Variants in CFAP70 observed in about 807,000 individuals in gnomAD.
CFAP70 encodes the protein cilia- and flagella-associated protein 70.
In CFAP70, 81 loss-of-function variants were observed where a neutral mutation model predicts 137.6. The ratio of observed to expected loss-of-function variants is 0.59; its 90% CI spans 0.49 to 0.71. The LOEUF is 0.71. Among genes scored for constraint, CFAP70 ranks in the 30% least tolerant of loss-of-function variants. The pLI, the probability that CFAP70 is intolerant of heterozygous loss-of-function variation, is 0.00. For missense variants in CFAP70, 976 were observed against 1,226.7 expected, an observed-to-expected ratio of 0.80 and a Z score of 3.05; for synonymous variants, 382 against 423.6, an observed-to-expected ratio of 0.90 and a Z score of 1.20.
At chr10:73,313,138 C>T (rs965621498) in intron 9 of CFAP70, among the ~76,000 whole-genome samples, 3 of 151,640 alleles carry the variant, frequency 2.0e-5, no homozygotes, top group Non-Finnish European at 2.9e-5. Flanking sequence ...TTTGGGAGGC[C>T]GAGGCATGTG....
In CFAP70 at chr10:73,269,730, G is replaced by T; in HGVS notation, c.2926-15C>A. 6.4e-7 allele frequency: 1 copy of T among 1,550,534 alleles called. No homozygotes were observed. On this transcript the variant is annotated splice_polypyrimidine_tract_variant and intron_variant, in intron 24 of 26. Transcript: ENST00000310715. ...AGCTCCTCCAGCTTGACAGAAAAAT[G>T]AGACATGTGAGTTAGCTTAGCTGAA...
intron 21 of CFAP70, 142 bp downstream of exon 22, chr10:73,277,098 T>C: frequency 9.5e-7 from 1 of 1,057,680 alleles, no homozygotes; most frequent in South Asian, 2.0e-5. Context: ...GGATGTTCTT[T>C]CCATTGGGCT....
At chr10:73,298,149 CT>C (rs201733614) in intron 14 of CFAP70, among the ~76,000 whole-genome samples, 6,355 of 152,294 alleles carry the variant, frequency 0.042, 371 homozygotes, top group African/African-American at 0.13. Flanking sequence ...CAACATTGAT[CT>C]TTACTATCTC....
chr10:73,292,133 T>G, intron 16 of CFAP70, 119 bp from the exon 18 acceptor site: 1 of 1,281,904 alleles, frequency 7.8e-7, no homozygotes, highest in African/African-American at 1.5e-5. Context: ...TGTGACTTCT[T>G]TTTTGCTTAT....
upstream of CFAP70, among the ~76,000 whole-genome samples, chr10:73,362,817 T>C (rs1463736283): frequency 1.3e-5 from 2 of 152,040 alleles, no homozygotes; most frequent in South Asian, 2.1e-4. Context: ...TGACTAGAAG[T>C]AGTGAAAGTG....
chr10:73,337,040 A>G (rs1242781435), intron 6 of CFAP70, among the ~76,000 whole-genome samples: 1 of 152,214 alleles, frequency 6.6e-6, no homozygotes, highest in Non-Finnish European at 1.5e-5. Flanking sequence ...AAAATACACC[A>G]CAAAGTAAAA....
At chr10:73,349,343 T>A (rs1036693056) in intron 3 of CFAP70, among the ~76,000 whole-genome samples, 30 of 151,870 alleles carry the variant, frequency 2.0e-4, no homozygotes, top group Non-Finnish European at 7.4e-5. Context: ...ATCGAGACCA[T>A]CCTGGCTAAC....
intron 20 of CFAP70, among the ~76,000 whole-genome samples, chr10:73,277,923 T>C (rs2046910055): frequency 6.6e-6 from 1 of 152,220 alleles, no homozygotes; most frequent in Non-Finnish European, 1.5e-5. Context: ...TCAGATCTTC[T>C]TGAATGTGAA....
intron 9 of CFAP70, among the ~76,000 whole-genome samples, chr10:73,313,581 ACC>A (rs2050108442): frequency 6.8e-6 from 1 of 148,148 alleles, no homozygotes; most frequent in African/African-American, 2.5e-5. Context: ...GGTGGCTCAC[ACC>A]TGTAATCCCA....
chr10:73,354,459 G>A (rs190669758), intron 2 of CFAP70, among the ~76,000 whole-genome samples: 1 of 152,136 alleles, frequency 6.6e-6, no homozygotes, highest in East Asian at 1.9e-4. Context: ...TCCTTCTCAG[G>A]AGAAAGGGAA....
chr10:73,283,600 T>C (rs58763827), intron 19 of CFAP70, among the ~76,000 whole-genome samples: 16,051 of 152,276 alleles, frequency 0.11, 1,216 homozygotes, highest in East Asian at 0.3. Flanking sequence ...TTTGTCTCAA[T>C]TGATTTTCTT....
Position 73,341,599 on chromosome 10 carries a change from A to G in CFAP70, c.400-18T>C. 6.3e-7 allele frequency: 1 copy of G among 1,597,280 alleles called. No individual in the cohort carries two copies. The highest frequency in any genetic ancestry group is 8.5e-7 in the Non-Finnish European group (1 of 1,172,954). On this transcript the variant is annotated intron_variant, in intron 5 of 26. Transcript: ENST00000310715. Reference sequence around the variant, plus strand: ...TAGTCCTTCTACAGAAATAGATACCATATGTCAGGAAAATTTGTAAAGGAC... The same window carrying G: ...TAGTCCTTCTACAGAAATAGATACCGTATGTCAGGAAAATTTGTAAAGGAC...
At chr10:73,354,681 C>CT in intron 2 of CFAP70, 53 bp downstream of exon 2, 1 of 1,486,978 alleles carries the variant, frequency 6.7e-7, no homozygotes, top group South Asian at 1.2e-5. Flanking sequence ...TCCATTCCTC[C>CT]TGCAGGTACT....
chr10:73,274,878 C>T, intron 22 of CFAP70: 1 of 325,614 alleles, frequency 3.1e-6, no homozygotes. Flanking sequence ...AACCCCAATA[C>T]TGTTCACATG....
At chr10:73,287,107 C>A (rs930037606) in intron 19 of CFAP70, among the ~76,000 whole-genome samples, 1 of 152,136 alleles carries the variant, frequency 6.6e-6, no homozygotes, top group African/African-American at 2.4e-5. Flanking sequence ...AGTTTGGGGG[C>A]CAGTTTATGG....
intron 25 of CFAP70, among the ~76,000 whole-genome samples, chr10:73,268,286 A>G (rs1003868314): frequency 6.6e-6 from 1 of 152,212 alleles, no homozygotes; most frequent in Non-Finnish European, 1.5e-5. Context: ...TTCCAAAGGT[A>G]TATGAGTCTT....
At chr10:73,298,919 T>C (rs1202829220) in exon 14 of CFAP70, 1 of 1,613,958 alleles carries the variant, frequency 6.2e-7, no homozygotes, top group South Asian at 1.1e-5. Context: ...TGAGTTGTTC[T>C]TTGAAAGCAA....
At chr10:73,331,318 T>A in intron 7 of CFAP70, 42 bp from the exon 9 acceptor site, 1 of 1,488,394 alleles carries the variant, frequency 6.7e-7, no homozygotes, top group Non-Finnish European at 9.3e-7. Context: ...TATGCAAAAA[T>A]AAAGTCAGTA....
Position 73,312,652 on chromosome 10 carries a change from CA to C in CFAP70, c.913-10del. The C allele has an allele frequency of 5.3e-6, 8 of 1,514,758 alleles. No individual in the cohort carries two copies. The highest frequency in any genetic ancestry group is 2.3e-5 in the Admixed American group (1 of 42,892). The allele number at this position is 1,514,758 out of a possible 1,614,324, so 93.8% of individuals were successfully genotyped here. ...CTCAATAAACATTTGGTCTGAAAAA[CA>C]AAAAAACAAACAAAAAAAAGCAATA... is the stretch of plus-strand genomic sequence containing the variant. On this transcript the variant is annotated splice_polypyrimidine_tract_variant and intron_variant, in intron 9 of 26. Transcript: ENST00000310715.
Sources: gnomAD v4.1 joint callset for allele counts (sites outside exome capture counted in the v4.1 genomes callset) on GRCh38, gnomAD v4.1.1 for gene constraint, MANE v1.5 for transcripts, NCBI Gene and HGNC (gene_info 2026-07-23, HGNC 2026-07-21) for gene names.